The following SLC25A36 variants were observed in gnomAD, a reference collection of about 807,000 sequenced individuals.
SLC25A36 encodes the protein solute carrier family 25 member 36.
In SLC25A36, 24 loss-of-function variants were observed where a neutral mutation model predicts 35.3. The ratio of observed to expected loss-of-function variants is 0.68; its 90% CI spans 0.49 to 0.96. SLC25A36 has a LOEUF of 0.96. SLC25A36 is among the 40% of genes least tolerant of loss of function. The probability of loss-of-function intolerance (pLI) is 0.00; values close to 1 mark genes in which losing one functional copy is unlikely to be tolerated. For missense variants in SLC25A36, 294 were observed against 381.1 expected, an observed-to-expected ratio of 0.77 and a Z score of 1.90; for synonymous variants, 141 against 132.2, an observed-to-expected ratio of 1.07 and a Z score of -0.46.
In SLC25A36 at chr3:140,979,769, G is replaced by C. The variant is rs1935142295; in HGVS notation, c.*3316G>C. 1 of 152,138 alleles carries C rather than the reference G, an allele frequency of 6.6e-6. No homozygotes were observed. The allele number at this position is 152,138 out of a possible 1,614,324, so 9.4% of individuals were successfully genotyped here. On this transcript the variant is annotated 3_prime_UTR_variant, in exon 7 of 7. Coordinates refer to ENST00000324194, the MANE Select transcript of SLC25A36 (RefSeq NM_001104647.3). ...GAAGAATTATGACCTATCAGTCATA[G>C]CTAAATAGTGAACCTCAAAAGTGTT...
Position 140,980,550 on chromosome 3 carries a change from A to G in SLC25A36, c.*4097A>G, listed in dbSNP as rs1324671810. ...GGTTAAAATTGAGCACAGGTGTTCC[A>G]AGTTGTGTGTGTGTGTTTATTACTG... On this transcript the variant is annotated 3_prime_UTR_variant, in exon 7 of 7. Transcript: ENST00000324194. Among the ~76,000 whole-genome samples, 1 of 151,672 alleles carries G rather than the reference A, an allele frequency of 6.6e-6. No individual in the cohort carries two copies. The highest frequency in any genetic ancestry group is 1.5e-5 in the Non-Finnish European group (1 of 68,016).
In SLC25A36 at chr3:140,968,784, AAACTT is replaced by A. The variant is rs1053237342; in HGVS notation, c.386-2141_386-2137del. ...GTAGAACTTTTATTTAAAAAAAAAA[AAACTT>A]AGGTGCTCATCTTCTTTTCAAATAA... is the stretch of plus-strand genomic sequence containing the variant. On this transcript the variant is annotated intron_variant, in intron 4 of 6. Coordinates refer to ENST00000324194, the MANE Select transcript of SLC25A36 (RefSeq NM_001104647.3). The A allele has an allele frequency of 2.5e-4, 201 of 814,878 alleles. 1 individual carries two copies. The highest frequency in any genetic ancestry group is 1.7e-4 in the African/African-American group (9 of 53,840). 50.5% of individuals were successfully genotyped at this position (814,878 alleles called of 1,614,324 possible). A position where few individuals can be genotyped will look rare whatever the true frequency, so the allele number is the denominator to read the frequency against.
chr3:140,969,951 TTAACG>T (rs1934859885), intron 4 of SLC25A36, among the ~76,000 whole-genome samples: 1 of 151,948 alleles, frequency 6.6e-6, no homozygotes, highest in African/African-American at 2.4e-5. Context: ...TAAATGTAAC[TTAACG>T]TAAGTAGTTC....
At chr3:140,961,984 AC>A (rs1194947307) in intron 3 of SLC25A36, among the ~76,000 whole-genome samples, 1 of 149,716 alleles carries the variant, frequency 6.7e-6, no homozygotes, top group Non-Finnish European at 1.5e-5. Context: ...GGGATTTTTC[AC>A]TGTTTTAATA....
Position 140,976,487 on chromosome 3 carries a change from G to A in SLC25A36, c.*34G>A. ...GGACTGCTGTACTGCAAAAAAAGAAGACCAAAAGATTACAGTGGACCATGG... is the reference window on the plus strand; with the variant it reads ...GGACTGCTGTACTGCAAAAAAAGAAAACCAAAAGATTACAGTGGACCATGG... On this transcript the variant is annotated 3_prime_UTR_variant, in exon 7 of 7. Coordinates refer to ENST00000324194, the MANE Select transcript of SLC25A36 (RefSeq NM_001104647.3). The A allele has an allele frequency of 6.4e-7, 1 of 1,554,366 alleles. No homozygotes were observed. The highest frequency in any genetic ancestry group is 8.7e-7 in the Non-Finnish European group (1 of 1,151,942).
chr3:140,969,843 A>C (rs962633985), intron 4 of SLC25A36, among the ~76,000 whole-genome samples: 27 of 151,926 alleles, frequency 1.8e-4, no homozygotes, highest in Non-Finnish European at 3.7e-4. Context: ...ATCATTAGCC[A>C]CCTTTATAAA....
chr3:140,953,951 C>T (rs1247327350), intron 1 of SLC25A36, among the ~76,000 whole-genome samples: 8 of 152,146 alleles, frequency 5.3e-5, no homozygotes, highest in Admixed American at 3.9e-4. Context: ...GCCTTGGTGA[C>T]AGAGCAAGAC....
At chr3:140,966,309 G>A in intron 4 of SLC25A36, 1 of 311,072 alleles carries the variant, frequency 3.2e-6, no homozygotes, top group Non-Finnish European at 6.5e-6. Context: ...TGTTTTGTGT[G>A]TTTGTGTGTA....
chr3:140,943,950 C>T (rs1934094274), intron 1 of SLC25A36, among the ~76,000 whole-genome samples: 1 of 150,218 alleles, frequency 6.7e-6, no homozygotes, highest in East Asian at 1.9e-4. Flanking sequence ...TTAGGAGCTC[C>T]ATCCCCTCCC....
At chr3:140,959,857 G>C (rs900452834) in intron 3 of SLC25A36, among the ~76,000 whole-genome samples, 1 of 152,100 alleles carries the variant, frequency 6.6e-6, no homozygotes, top group Non-Finnish European at 1.5e-5. Context: ...AGAAGGTATA[G>C]TATTTGCATT....
At chr3:140,958,125 A>G (rs570758595) in intron 2 of SLC25A36, among the ~76,000 whole-genome samples, 4 of 152,294 alleles carry the variant, frequency 2.6e-5, no homozygotes, top group Non-Finnish European at 5.9e-5. Context: ...GTTGGGCTTC[A>G]TATCTGAGAA....
intron 6 of SLC25A36, among the ~76,000 whole-genome samples, chr3:140,975,195 A>C (rs1374203187): frequency 7.3e-6 from 1 of 136,992 alleles, no homozygotes; most frequent in Admixed American, 8.8e-5. Context: ...GCAACCTTGA[A>C]CTCCAAGGCT....
At chr3:140,959,986 A>G in intron 3 of SLC25A36, among the ~76,000 whole-genome samples, 1 of 152,180 alleles carries the variant, frequency 6.6e-6, no homozygotes, top group South Asian at 2.1e-4. Flanking sequence ...CTATAAATGG[A>G]CCTGAGATTT....
chr3:140,952,980 T>C (rs1934368433), intron 1 of SLC25A36, among the ~76,000 whole-genome samples: 1 of 152,204 alleles, frequency 6.6e-6, no homozygotes, highest in African/African-American at 2.4e-5. Context: ...ATTTACAAAG[T>C]AAATACACTA....
At chr3:140,945,796 C>G (rs570361462) in intron 1 of SLC25A36, among the ~76,000 whole-genome samples, 1 of 148,190 alleles carries the variant, frequency 6.7e-6, no homozygotes, top group Non-Finnish European at 1.5e-5. Flanking sequence ...AGTAAAAATA[C>G]TAATTTTATT....
In SLC25A36 at chr3:140,943,964, C is replaced by T. The variant is rs189915362; in HGVS notation, c.41+1869C>T. Among the ~76,000 whole-genome samples, 163 of 142,142 alleles carry T rather than the reference C, an allele frequency of 1.1e-3. 3 individuals carry two copies. The highest frequency in any genetic ancestry group is 6.9e-3 in the Middle Eastern group (2 of 290). 93.3% of individuals were successfully genotyped at this position (142,142 alleles called of 152,430 possible). A position where few individuals can be genotyped will look rare whatever the true frequency, so the allele number is the denominator to read the frequency against. ...ATTAGGAGCTCCATCCCCTCCCCCCCAGTCTAGCATATGTAGTTAGAGTAT... is the reference window on the plus strand; with the variant it reads ...ATTAGGAGCTCCATCCCCTCCCCCCTAGTCTAGCATATGTAGTTAGAGTAT... On this transcript the variant is annotated intron_variant, in intron 1 of 6. Transcript: ENST00000324194.
At position 140,980,652 on chromosome 3, in the gene SLC25A36, G is replaced by C. The variant is rs923014815; in HGVS notation, c.*4199G>C. ...GGTTCTAGTGTGACATTTATACACT[G>C]ATAAAACTCAGGCAAGCAAAATGTA... On this transcript the variant is annotated 3_prime_UTR_variant, in exon 7 of 7. Coordinates refer to ENST00000324194, the MANE Select transcript of SLC25A36 (RefSeq NM_001104647.3). Among the ~76,000 whole-genome samples, 4 of 151,230 alleles carry C rather than the reference G, an allele frequency of 2.6e-5. No homozygotes were observed. The highest frequency in any genetic ancestry group is 9.7e-5 in the African/African-American group (4 of 41,098).
rs397874791 is a variant in SLC25A36 at position 140,966,518 on chromosome 3, GT to G, written c.385+3304del. The G allele has an allele frequency of 7.8e-3, 1,234 of 158,482 alleles. 2 individuals carry two copies. The highest frequency in any genetic ancestry group is 0.016 in the South Asian group (116 of 7,196). The allele number at this position is 158,482 out of a possible 1,614,324, so 9.8% of individuals were successfully genotyped here. A position where few individuals can be genotyped will look rare whatever the true frequency, so the allele number is the denominator to read the frequency against. ...ATGAAGTTACTTGAATATTCTGTTG[GT>G]TTTTTTTTTTTTAAGATTTATTAAG... On this transcript the variant is annotated intron_variant, in intron 4 of 6. Transcript: ENST00000324194.
At chr3:140,953,141 T>C (rs1934373651) in intron 1 of SLC25A36, among the ~76,000 whole-genome samples, 1 of 152,188 alleles carries the variant, frequency 6.6e-6, no homozygotes, top group Admixed American at 6.5e-5. Context: ...TGATGATGAC[T>C]CATGTCTTTT....
Sources: gnomAD v4.1 joint callset for allele counts (sites outside exome capture counted in the v4.1 genomes callset) on GRCh38, gnomAD v4.1.1 for gene constraint, MANE v1.5 for transcripts, NCBI Gene and HGNC (gene_info 2026-07-23, HGNC 2026-07-21) for gene names.